The following REPS1 variants were observed in gnomAD, a reference collection of about 807,000 sequenced individuals.
The protein encoded by REPS1 is ralBP1-associated Eps domain-containing protein 1.
Under a neutral mutation model 100.9 loss-of-function variants are expected in REPS1, and 39 were observed. That is an observed-to-expected ratio of 0.39 (90% CI 0.30 to 0.50). The LOEUF is 0.50. Among genes scored for constraint, REPS1 ranks in the 20% least tolerant of loss-of-function variants. The pLI is 0.86. For missense variants in REPS1, 821 were observed against 968.5 expected, an observed-to-expected ratio of 0.85 and a Z score of 2.02; for synonymous variants, 324 against 340.3, an observed-to-expected ratio of 0.95 and a Z score of 0.53.
intron 1 of REPS1, among the ~76,000 whole-genome samples, chr6:138,957,575 T>C (rs1040399253): frequency 1.3e-5 from 2 of 152,242 alleles, no homozygotes; most frequent in Admixed American, 6.5e-5. Flanking sequence ...CAGGAAAAAG[T>C]AGATACATGC....
chr6:138,928,228 TATAAAG>T (rs923008937), intron 9 of REPS1: 98 of 152,296 alleles, frequency 6.4e-4, no homozygotes, highest in African/African-American at 2.3e-3. Context: ...AGTTAATATA[TATAAAG>T]AGTTTGTTTT....
intron 13 of REPS1, 104 bp downstream of exon 13, chr6:138,917,451 C>T: frequency 5.8e-6 from 5 of 860,314 alleles, no homozygotes; most frequent in Middle Eastern, 2.4e-4. Context: ...AGTAACCTAA[C>T]AGCTTTCAGA....
chr6:138,920,173 G>A (rs778870277), intron 12 of REPS1, 42 bp downstream of exon 12: 6 of 1,044,226 alleles, frequency 5.7e-6, no homozygotes. Context: ...TCTAAATCCA[G>A]ACTTAGTAAA....
intron 1 of REPS1, among the ~76,000 whole-genome samples, chr6:138,973,144 A>G (rs1451533860): frequency 6.6e-6 from 1 of 152,212 alleles, no homozygotes; most frequent in Non-Finnish European, 1.5e-5. Flanking sequence ...AACATACAGA[A>G]TAGAGTTGGG....
At chr6:138,939,407 A>C (rs1303221616) in intron 8 of REPS1, among the ~76,000 whole-genome samples, 1 of 152,336 alleles carries the variant, frequency 6.6e-6, no homozygotes, top group Admixed American at 6.5e-5. Flanking sequence ...ATTAGACAAA[A>C]AGATAAATGC....
chr6:138,944,151 C>A, intron 5 of REPS1, 136 bp from the exon 6 acceptor site: 1 of 762,950 alleles, frequency 1.3e-6, no homozygotes. Flanking sequence ...ACATCTGTTA[C>A]AGTCAGATTA....
chr6:138,922,049 A>G (rs1330323765), intron 10 of REPS1, among the ~76,000 whole-genome samples: 2 of 152,042 alleles, frequency 1.3e-5, no homozygotes, highest in African/African-American at 4.8e-5. Flanking sequence ...ACAGTTCAAG[A>G]CAATATTAAA....
intron 1 of REPS1, among the ~76,000 whole-genome samples, chr6:138,963,268 C>T (rs1242481133): frequency 1.3e-5 from 2 of 152,176 alleles, no homozygotes; most frequent in African/African-American, 4.8e-5. Flanking sequence ...TGCTAGTACC[C>T]GAACTTTTAC....
At chr6:138,941,589 G>T in intron 7 of REPS1, 100 bp from the exon 8 acceptor site, 1 of 1,121,932 alleles carries the variant, frequency 8.9e-7, no homozygotes, top group Non-Finnish European at 1.3e-6. Context: ...GAAAGTGCAA[G>T]AACTCAGTAA....
At chr6:138,960,806 T>C (rs1783688217) in intron 1 of REPS1, among the ~76,000 whole-genome samples, 1 of 152,330 alleles carries the variant, frequency 6.6e-6, no homozygotes, top group Non-Finnish European at 1.5e-5. Context: ...TTTCTAAATG[T>C]GACGTATTTT....
chr6:138,916,224 T>TC (rs1780379656), intron 13 of REPS1: 4 of 288,610 alleles, frequency 1.4e-5, no homozygotes, highest in East Asian at 1.9e-4. Context: ...TTTTCTTTTT[T>TC]TTTTTTTTTT....
chr6:138,910,905 C>A (rs73559494), intron 17 of REPS1: 13,570 of 157,612 alleles, frequency 0.086, 1,242 homozygotes, highest in African/African-American at 0.23. Context: ...AAAAATTATA[C>A]CTAAAACAGT....
chr6:138,969,868 T>A (rs1784238212), intron 1 of REPS1, among the ~76,000 whole-genome samples: 1 of 143,676 alleles, frequency 7.0e-6, no homozygotes, highest in African/African-American at 2.6e-5. Context: ...GATTTTTTTT[T>A]TTTTTTTTTT....
rs745364970 is a variant in REPS1, at chr6:138,926,495, G to A, written c.1258-14C>T. 2 of 1,577,670 alleles carry A rather than the reference G, an allele frequency of 1.3e-6. No homozygotes were observed. The highest frequency in any genetic ancestry group is 1.1e-5 in the South Asian group (1 of 89,160). ...TGTCTCCCACTGCTGAACAGACAGA[G>A]GAGAGACAAGTCAGCATGATGAGAA... On this transcript the variant is annotated splice_polypyrimidine_tract_variant and intron_variant, in intron 9 of 19. Coordinates refer to ENST00000450536, the MANE Select transcript of REPS1 (RefSeq NM_001286611.2).
intron 1 of REPS1, among the ~76,000 whole-genome samples, chr6:138,970,548 G>A (rs1784287087): frequency 1.3e-5 from 2 of 152,090 alleles, no homozygotes; most frequent in Admixed American, 1.3e-4. Flanking sequence ...GGGAGGCCAA[G>A]GCAGGCAGAT....
chr6:138,935,674 T>G (rs991867404), intron 8 of REPS1, among the ~76,000 whole-genome samples: 1 of 151,768 alleles, frequency 6.6e-6, no homozygotes, highest in Non-Finnish European at 1.5e-5. Flanking sequence ...GCCAACATGG[T>G]GAAACCCCGT....
Position 138,943,204 on chromosome 6 carries a change from A to G in REPS1, c.980+309T>C, listed in dbSNP as rs80102273. ...TGGTATAGGACTTACTAAACTTGAT[A>G]AAAAACCAATGGGATAAATATAACC... On this transcript the variant is annotated intron_variant, in intron 7 of 19. Transcript: ENST00000450536. 6.2e-3 allele frequency among the ~76,000 whole-genome samples: 945 copies of G among 152,262 alleles called. 9 individuals are homozygous for G. The highest frequency in any genetic ancestry group is 0.022 in the African/African-American group (897 of 41,512).
chr6:138,933,727 A>C (rs1317551339), intron 8 of REPS1, among the ~76,000 whole-genome samples: 2 of 152,196 alleles, frequency 1.3e-5, no homozygotes, highest in African/African-American at 4.8e-5. Context: ...TATTTTCCTA[A>C]AAATATTTAT....
intron 1 of REPS1, among the ~76,000 whole-genome samples, chr6:138,954,600 C>T (rs1425912115): frequency 1.3e-5 from 2 of 151,862 alleles, no homozygotes; most frequent in Non-Finnish European, 2.9e-5. Flanking sequence ...TCCTGGGCCA[C>T]ATGCAGCCAA....
Sources: allele counts gnomAD v4.1 joint callset (sites outside exome capture counted in the v4.1 genomes callset), GRCh38; gene constraint gnomAD v4.1.1; transcripts MANE v1.5; gene names NCBI Gene and HGNC (gene_info 2026-07-23, HGNC 2026-07-21).